Variants in LRMDA observed in about 807,000 individuals in gnomAD.
The protein encoded by LRMDA is leucine rich melanocyte differentiation associated.
A neutral mutation model predicts 29.8 loss-of-function variants in LRMDA; 18 were observed. That is an observed-to-expected ratio of 0.60 (90% CI 0.42 to 0.90). The LOEUF is 0.90. LRMDA is among the 40% of genes least tolerant of loss of function. The pLI is 0.00. For synonymous variants in LRMDA, 125 were observed against 109.4 expected (o/e 1.14, Z -0.89); for missense variants, 273 against 273.9 (o/e 1.00, Z 0.02).
chr10:75,699,404 C>A (rs1468102785), intron 2 of LRMDA, among the ~76,000 whole-genome samples: 4 of 152,162 alleles, frequency 2.6e-5, no homozygotes. Flanking sequence ...TGAAAACTAT[C>A]TAGGTGTGTT....
rs1241262213 is a variant in LRMDA at position 76,010,912 on chromosome 10, A to T, written c.132-25096A>T. 3.9e-5 allele frequency among the ~76,000 whole-genome samples: 6 copies of T among 152,262 alleles called. No individual in the cohort carries two copies. The East Asian group carries it at 1.2e-3, about 29-fold the overall frequency. ...TCCTGAGGGTAAATTATCTTCCACT[A>T]GGAATCCTGAGACTTGACATTCAAA... is the stretch of plus-strand genomic sequence containing the variant. On this transcript the variant is annotated intron_variant, in intron 2 of 6. Transcript: ENST00000611255.
intron 2 of LRMDA, among the ~76,000 whole-genome samples, chr10:75,996,498 A>G (rs1847464702): frequency 6.6e-6 from 1 of 152,188 alleles, no homozygotes; most frequent in Non-Finnish European, 1.5e-5. Context: ...CTACTTGTAT[A>G]AGATGCTGGA....
intron 2 of LRMDA, among the ~76,000 whole-genome samples, chr10:75,589,044 C>G (rs1034728339): frequency 6.6e-6 from 1 of 152,164 alleles, no homozygotes; most frequent in African/African-American, 2.4e-5. Flanking sequence ...CTTCCATTCA[C>G]TATTAGAGCT....
At chr10:75,938,086 A>G (rs1846326924) in intron 2 of LRMDA, among the ~76,000 whole-genome samples, 2 of 152,198 alleles carry the variant, frequency 1.3e-5, no homozygotes. Context: ...GCTAACTTGA[A>G]GGACTTTTTC....
At chr10:75,513,589 G>T (rs1208501625) in intron 2 of LRMDA, among the ~76,000 whole-genome samples, 2 of 152,166 alleles carry the variant, frequency 1.3e-5, no homozygotes, top group African/African-American at 2.4e-5. Flanking sequence ...GGTTTCACTG[G>T]GTTAAAATCA....
At chr10:76,079,714 G>A (rs1849020111) in intron 5 of LRMDA, among the ~76,000 whole-genome samples, 1 of 152,232 alleles carries the variant, frequency 6.6e-6, no homozygotes, top group African/African-American at 2.4e-5. Context: ...CAGGACATCA[G>A]AAGCTAGACC....
At chr10:76,309,995 T>C (rs1840609459) in intron 5 of LRMDA, among the ~76,000 whole-genome samples, 1 of 152,342 alleles carries the variant, frequency 6.6e-6, no homozygotes, top group South Asian at 2.1e-4. Context: ...AATGAGATCA[T>C]TTTGATAAAT....
At chr10:75,601,083 A>G (rs1391477226) in intron 2 of LRMDA, among the ~76,000 whole-genome samples, 2 of 152,196 alleles carry the variant, frequency 1.3e-5, no homozygotes, top group East Asian at 3.8e-4. Context: ...TTGTTATTGA[A>G]TGACCTTTTG....
intron 5 of LRMDA, among the ~76,000 whole-genome samples, chr10:76,220,674 C>T (rs1008932779): frequency 1.6e-4 from 24 of 152,228 alleles, no homozygotes; most frequent in African/African-American, 5.5e-4. Flanking sequence ...GGATTCATAG[C>T]CGAATTCTAC....
At chr10:75,634,237 C>T (rs1352240021) in intron 2 of LRMDA, among the ~76,000 whole-genome samples, 5 of 152,136 alleles carry the variant, frequency 3.3e-5, no homozygotes, top group Admixed American at 1.3e-4. Flanking sequence ...TGGCCATGTC[C>T]ATTATGATTT....
At position 76,500,695 on chromosome 10, in the gene LRMDA, G is replaced by T. The variant is rs1239990831; in HGVS notation, c.602-56514G>T. ...TTAAATTCCACTGTGCCTTTAGTTT[G>T]CATTTCCTTATTAGTGATATTAACT... is the stretch of plus-strand genomic sequence containing the variant. On this transcript the variant is annotated intron_variant, in intron 6 of 6. Transcript: ENST00000611255. 1.7e-4 allele frequency among the ~76,000 whole-genome samples: 13 copies of T among 74,462 alleles called. 4 individuals carry two copies. Among genetic ancestry groups the T allele is most frequent in the African/African-American group, 4.2e-4 (13 of 30,632 alleles). 48.8% of individuals were successfully genotyped at this position (74,462 alleles called of 152,430 possible).
chr10:75,619,033 G>A (rs1007080963), intron 2 of LRMDA, among the ~76,000 whole-genome samples: 7 of 152,066 alleles, frequency 4.6e-5, no homozygotes, highest in Admixed American at 1.3e-4. Flanking sequence ...TCCTGACCTC[G>A]TGATCTGCCC....
chr10:76,324,427 C>G lies in LRMDA; in HGVS notation c.543C>G (p.Ser181=). 6.2e-7 allele frequency: 1 copy of G among 1,614,048 alleles called. No individual in the cohort carries two copies. The highest frequency in any genetic ancestry group is 1.7e-5 in the Admixed American group (1 of 59,998). Residue 181 remains serine, a synonymous_variant, in exon 6 of 7, where the codon TCC becomes TCG. Transcript: ENST00000611255. ...PKASSEDVAS[S]PERHYTPLPS... is the part of the protein sequence containing the mutation. ...CTTCTAGTGAGGACGTTGCCAGCTC[C>G]CCGGAGCGCCACTACACGCCCTTGC...
intron 2 of LRMDA, among the ~76,000 whole-genome samples, chr10:75,812,178 C>T (rs1052704151): frequency 2.8e-5 from 3 of 106,032 alleles, no homozygotes; most frequent in Non-Finnish European, 5.3e-5. Flanking sequence ...TCTTTTGTAT[C>T]AGGGAATCAA....
chr10:75,539,343 G>A (rs1188726226), intron 2 of LRMDA, among the ~76,000 whole-genome samples: 6 of 152,290 alleles, frequency 3.9e-5, no homozygotes, highest in African/African-American at 1.4e-4. Flanking sequence ...AAAAAGTATT[G>A]ATGGTTGCTT....
chr10:76,461,840 C>T (rs190386864), intron 6 of LRMDA, among the ~76,000 whole-genome samples: 3 of 152,026 alleles, frequency 2.0e-5, no homozygotes, highest in Non-Finnish European at 2.9e-5. Context: ...TTTGGGAGGC[C>T]GAGGCGGGCA....
intron 2 of LRMDA, among the ~76,000 whole-genome samples, chr10:75,807,989 G>A (rs1486350339): frequency 6.6e-6 from 1 of 152,184 alleles, no homozygotes. Flanking sequence ...TGTTACAGAG[G>A]CACACAGTAT....
At chr10:75,441,832 T>G (rs1041100930) in intron 2 of LRMDA, among the ~76,000 whole-genome samples, 4 of 152,106 alleles carry the variant, frequency 2.6e-5, no homozygotes, top group Admixed American at 2.0e-4. Context: ...CCTTGATAAA[T>G]AAAAACTTTG....
chr10:75,769,615 C>T (rs1337636723), intron 2 of LRMDA, among the ~76,000 whole-genome samples: 1 of 152,036 alleles, frequency 6.6e-6, no homozygotes, highest in Non-Finnish European at 1.5e-5. Context: ...TTTTATATTT[C>T]ATTCGTTTTC....
Sources: gnomAD v4.1 joint callset for allele counts (sites outside exome capture counted in the v4.1 genomes callset) on GRCh38, gnomAD v4.1.1 for gene constraint, MANE v1.5 for transcripts, NCBI Gene and HGNC (gene_info 2026-07-23, HGNC 2026-07-21) for gene names.